Variants in PLXNA4 observed in about 807,000 individuals in gnomAD.
The protein encoded by PLXNA4 is plexin A4, also known as plexin-A4.
In PLXNA4, 44 loss-of-function variants were observed where a neutral mutation model predicts 191.8. That is an observed-to-expected ratio of 0.23 (90% CI 0.18 to 0.29). The LOEUF (loss-of-function observed/expected upper bound fraction) is 0.29. Among genes scored for constraint, PLXNA4 ranks in the 10% least tolerant of loss-of-function variants. The pLI, the probability that PLXNA4 is intolerant of heterozygous loss-of-function variation, is 1.00. For missense variants in PLXNA4, 1,800 were observed against 2,488.8 expected (o/e 0.72, Z 5.89); for synonymous variants, 1,082 against 1,009.5 (o/e 1.07, Z -1.36).
intron 3 of PLXNA4, among the ~76,000 whole-genome samples, chr7:132,328,799 T>A (rs895019597): frequency 3.3e-5 from 5 of 152,166 alleles, no homozygotes; most frequent in Non-Finnish European, 7.4e-5. Flanking sequence ...TCACTCCCTC[T>A]GCACCGCAGG....
chr7:132,568,134 G>A (rs1375050496), intron 1 of PLXNA4, among the ~76,000 whole-genome samples: 1 of 152,168 alleles, frequency 6.6e-6, no homozygotes, highest in Non-Finnish European at 1.5e-5. Flanking sequence ...ATGACTTACA[G>A]GAAATATTTT....
intron 22 of PLXNA4, among the ~76,000 whole-genome samples, chr7:132,165,595 T>C (rs1796098750): frequency 6.6e-6 from 1 of 152,214 alleles, no homozygotes; most frequent in Non-Finnish European, 1.5e-5. Flanking sequence ...TCTGAGGAAC[T>C]GACACTGAAC....
chr7:132,313,696 G>A (rs1801835861), intron 3 of PLXNA4, among the ~76,000 whole-genome samples: 1 of 152,132 alleles, frequency 6.6e-6, no homozygotes, highest in African/African-American at 2.4e-5. Flanking sequence ...TCTGCTGGAT[G>A]TCTGACTGAA....
intron 4 of PLXNA4, among the ~76,000 whole-genome samples, chr7:132,252,544 A>G (rs1296658497): frequency 6.6e-6 from 1 of 152,004 alleles, no homozygotes; most frequent in East Asian, 1.9e-4. Context: ...CTCGTGATCC[A>G]CCTGCCTCAG....
intron 2 of PLXNA4, among the ~76,000 whole-genome samples, chr7:132,611,171 T>C (rs1277344589): frequency 6.6e-6 from 1 of 152,242 alleles, no homozygotes; most frequent in South Asian, 2.1e-4. Flanking sequence ...TTAGCAACAC[T>C]GAAATGTCTA....
intron 5 of PLXNA4, among the ~76,000 whole-genome samples, chr7:132,239,389 G>T (rs903840930): frequency 6.6e-6 from 1 of 152,192 alleles, no homozygotes; most frequent in Non-Finnish European, 1.5e-5. Context: ...TGTGGGCAGA[G>T]ACCAAAGCTG....
intron 4 of PLXNA4, among the ~76,000 whole-genome samples, chr7:132,261,188 C>A (rs369488179): frequency 2.0e-5 from 3 of 152,150 alleles, no homozygotes; most frequent in East Asian, 1.9e-4. Flanking sequence ...GGGGAAGGAG[C>A]AGAACTGCCA....
At chr7:132,243,601 G>A (rs1798951565) in intron 4 of PLXNA4, among the ~76,000 whole-genome samples, 1 of 152,234 alleles carries the variant, frequency 6.6e-6, no homozygotes, top group South Asian at 2.1e-4. Context: ...TGTTGGGTTG[G>A]AAAGAATGCA....
upstream of PLXNA4, among the ~76,000 whole-genome samples, chr7:132,581,753 A>C (rs1802406591): frequency 6.6e-6 from 1 of 152,110 alleles, no homozygotes; most frequent in African/African-American, 2.4e-5. Context: ...CACACTGTGG[A>C]TCTTGATCCT....
At chr7:132,449,026 A>G (rs77576620) in intron 3 of PLXNA4, among the ~76,000 whole-genome samples, 1 of 151,852 alleles carries the variant, frequency 6.6e-6, no homozygotes, top group African/African-American at 2.4e-5. Flanking sequence ...CTTTGAATTG[A>G]ATTGGATTGG....
In PLXNA4 at chr7:132,576,115, T is replaced by G. The variant is rs568120097; in HGVS notation, c.-87+307A>C. Among the ~76,000 whole-genome samples, 3 of 152,276 alleles carry G rather than the reference T, an allele frequency of 2.0e-5. No individual in the cohort carries two copies. The highest frequency in any genetic ancestry group is 4.1e-4 in the South Asian group (2 of 4,820). On this transcript the variant is annotated intron_variant, in intron 1 of 31. Transcript: ENST00000321063. The surrounding 1 kb of genome is among the most constrained non-coding windows in gnomAD (Gnocchi z 5.8). ...CCCGGGTGGGAGGCAGAGCCGGGAA[T>G]ACACAGAATCCCACCCCGAAAGTCC...
intron 3 of PLXNA4, among the ~76,000 whole-genome samples, chr7:132,464,418 C>T (rs983107327): frequency 6.6e-6 from 1 of 152,202 alleles, no homozygotes; most frequent in Non-Finnish European, 1.5e-5. Flanking sequence ...ATTGCTGGGT[C>T]TCCACTCTGG....
At chr7:132,308,925 G>A (rs1040432875) in intron 3 of PLXNA4, among the ~76,000 whole-genome samples, 1 of 152,068 alleles carries the variant, frequency 6.6e-6, no homozygotes, top group East Asian at 1.9e-4. Context: ...AGATAAAGAG[G>A]CTAGAAGATG....
At chr7:132,365,364 T>TGCGCGTGCGCGC (rs1804129041) in intron 3 of PLXNA4, among the ~76,000 whole-genome samples, 1 of 147,214 alleles carries the variant, frequency 6.8e-6, no homozygotes. Context: ...TGTGTGTGCG[T>TGCGCGTGCGCGC]GCGCGCGCAT....
chr7:132,640,785 AAAG>A (rs1222139485), intron 2 of PLXNA4, among the ~76,000 whole-genome samples: 98 of 105,280 alleles, frequency 9.3e-4, no homozygotes, highest in African/African-American at 3.5e-3. Context: ...GAAAAAAAAA[AAAG>A]GGGGGGGCCC....
At chr7:132,559,818 A>C (rs537987529) in intron 1 of PLXNA4, among the ~76,000 whole-genome samples, 3 of 152,176 alleles carry the variant, frequency 2.0e-5, no homozygotes, top group African/African-American at 4.8e-5. Flanking sequence ...TTTTTTCCCC[A>C]TGTATTGGAA....
intron 3 of PLXNA4, among the ~76,000 whole-genome samples, chr7:132,418,763 GGAA>G (rs1447369545): frequency 6.6e-6 from 1 of 152,132 alleles, no homozygotes; most frequent in Non-Finnish European, 1.5e-5. Flanking sequence ...AGGGGGTGTG[GGAA>G]GAAGAACAAA....
At chr7:132,597,902 A>G (rs1161881848) in intron 2 of PLXNA4, among the ~76,000 whole-genome samples, 1 of 149,500 alleles carries the variant, frequency 6.7e-6, no homozygotes, top group Non-Finnish European at 1.5e-5. Flanking sequence ...TAACTTCTCA[A>G]TAGCACTCCA....
chr7:132,469,668 C>A (rs1051310491), intron 3 of PLXNA4, among the ~76,000 whole-genome samples: 2 of 152,200 alleles, frequency 1.3e-5, no homozygotes, highest in African/African-American at 4.8e-5. Context: ...TTCCAATATA[C>A]CTCTGTGGTT....
Sources: allele counts gnomAD v4.1 joint callset (sites outside exome capture counted in the v4.1 genomes callset), GRCh38; gene constraint gnomAD v4.1.1; non-coding constraint Gnocchi (gnomAD v3.1); transcripts MANE v1.5; gene names NCBI Gene and HGNC (gene_info 2026-07-23, HGNC 2026-07-21).